SEC13: variants seen among roughly 807,000 people sequenced by gnomAD.
The protein encoded by SEC13 is SEC13 homolog, nuclear pore and COPII component.
Under a neutral mutation model 49.2 loss-of-function variants are expected in SEC13, and 25 were observed. That is an observed-to-expected ratio of 0.51 (90% CI 0.37 to 0.71). The LOEUF (loss-of-function observed/expected upper bound fraction) is 0.71. Among genes scored for constraint, SEC13 ranks in the 30% least tolerant of loss-of-function variants. The pLI is 0.00. For synonymous variants in SEC13, 148 were observed against 163.9 expected, an observed-to-expected ratio of 0.90 and a Z score of 0.74; for missense variants, 383 against 417.6, an observed-to-expected ratio of 0.92 and a Z score of 0.72.
intron 7 of SEC13, 75 bp downstream of exon 7, chr3:10,304,958 C>G (rs1037111053): frequency 6.2e-7 from 1 of 1,606,964 alleles, no homozygotes; most frequent in African/African-American, 1.3e-5. Flanking sequence ...AGAGGACTTT[C>G]TGCTAAGGAG....
intron 5 of SEC13, among the ~76,000 whole-genome samples, chr3:10,307,327 G>C (rs999282763): frequency 2.0e-5 from 3 of 151,660 alleles, no homozygotes; most frequent in Non-Finnish European, 2.9e-5. Flanking sequence ...TCCTGCCTCA[G>C]CCTCCCGTGT....
chr3:10,304,998 T>C (rs1157161181), intron 7 of SEC13, 35 bp downstream of exon 7: 8 of 1,613,512 alleles, frequency 5.0e-6, no homozygotes, highest in Non-Finnish European at 8.5e-7. Context: ...GACTCGAGAC[T>C]AAATGACAAG....
rs1701354885 is a variant in SEC13 at position 10,312,686 on chromosome 3, T to C, written c.209A>G (p.Tyr70Cys). The C allele has an allele frequency of 6.2e-7, 1 of 1,614,054 alleles. No homozygotes were observed. The highest frequency in any genetic ancestry group is 1.7e-5 in the Admixed American group (1 of 60,006). The change falls in exon 4 of 9, where the codon TAC becomes TGC. Residue 70 changes from tyrosine to cysteine, a missense_variant. By Grantham distance (194) the Tyr-to-Cys change is radical. Coordinates refer to ENST00000350697, the MANE Select transcript of SEC13 (RefSeq NM_183352.3). ...VWQVAWAHPM[Y>C]GNILASCSYD... ...GGAGCACGATGCCAGGATGTTGCCGTACATGGGGTGAGCCCAGGCCACTTG... is the reference window on the plus strand; with the variant it reads ...GGAGCACGATGCCAGGATGTTGCCGCACATGGGGTGAGCCCAGGCCACTTG...
intron 5 of SEC13, among the ~76,000 whole-genome samples, chr3:10,307,237 C>G (rs1416595501): frequency 6.7e-6 from 1 of 148,504 alleles, no homozygotes; most frequent in Non-Finnish European, 1.5e-5. Context: ...GAGACAGAGT[C>G]TGGCTCTGTT....
Position 10,301,394 on chromosome 3 carries a change from C to G in SEC13, c.856-20G>C. 3 of 1,614,082 alleles carry G rather than the reference C, an allele frequency of 1.9e-6. No individual in the cohort carries two copies. The highest frequency in any genetic ancestry group is 1.7e-6 in the Non-Finnish European group (2 of 1,180,026). On this transcript the variant is annotated intron_variant, in intron 8 of 8. Transcript: ENST00000350697. Reference sequence around the variant, plus strand: ...GGTCACCTGCGAGTCAGTGCACAAGCAGATTATCACGGGTCTGTGCCCTTC... The same window carrying G: ...GGTCACCTGCGAGTCAGTGCACAAGGAGATTATCACGGGTCTGTGCCCTTC...
At chr3:10,305,279 GTTTGTGGCA>G (rs2125247873) in intron 6 of SEC13, 123 bp from the exon 7 acceptor site, 2 of 1,394,418 alleles carry the variant, frequency 1.4e-6, no homozygotes, top group African/African-American at 1.5e-5. Flanking sequence ...CATTCATGGA[GTTTGTGGCA>G]TTTTATTCCC....
rs1462946285 is a variant in SEC13, at chr3:10,312,041, G to A, written c.374C>T (p.Ser125Leu). ...DYGLILACGS[S>L]DGAISLLTYT... ...AGTCAGCAGGGAGATGGCCCCATCCGAGCTCCCACAGGCCAGGATCAGGCC... is the reference window on the plus strand; with the variant it reads ...AGTCAGCAGGGAGATGGCCCCATCCAAGCTCCCACAGGCCAGGATCAGGCC... The change falls in exon 5 of 9, where the codon TCG becomes TTG. Residue 125 changes from serine to leucine, a missense_variant. Ser to Leu is a moderately radical substitution (Grantham distance 145). Transcript: ENST00000350697. 6 of 1,613,646 alleles carry A rather than the reference G, an allele frequency of 3.7e-6. No individual in the cohort carries two copies. The highest frequency in any genetic ancestry group is 5.1e-6 in the Non-Finnish European group (6 of 1,179,836).
At chr3:10,305,863 A>G (rs1574866996) in intron 5 of SEC13, 171 bp from the exon 6 acceptor site, 2 of 462,378 alleles carry the variant, frequency 4.3e-6, no homozygotes, top group East Asian at 1.5e-4. Context: ...CAAGGATCCC[A>G]ACAGTGTGTG....
Position 10,321,108 on chromosome 3 carries a change from G to C in SEC13, c.-56C>G, listed in dbSNP as rs986487986. On this transcript the variant is annotated 5_prime_UTR_variant, in exon 1 of 9. Coordinates refer to ENST00000350697, the MANE Select transcript of SEC13 (RefSeq NM_183352.3). This position sits in a 1 kb window ranked among gnomAD's most constrained non-coding sequence, Gnocchi z 4.1. ...ACGTGGCAGCTCCCGGCGGCGCCTC[G>C]GAACAGCTCACTTCCGGCGCCGGGC... 33 of 1,611,066 alleles carry C rather than the reference G, an allele frequency of 2.0e-5. No homozygotes were observed. Among genetic ancestry groups the C allele is most frequent in the African/African-American group, 4.0e-5 (3 of 74,546 alleles).
At chr3:10,311,920 C>G (rs752240461) in intron 5 of SEC13, 45 bp downstream of exon 5, 1 of 1,613,946 alleles carries the variant, frequency 6.2e-7, no homozygotes, top group Non-Finnish European at 8.5e-7. Context: ...AGACACGGGG[C>G]AAGGCAGGCG....
chr3:10,310,091 G>C (rs933978375), intron 5 of SEC13, among the ~76,000 whole-genome samples: 2 of 152,116 alleles, frequency 1.3e-5, no homozygotes, highest in Admixed American at 1.3e-4. Context: ...ATTGTGGGCC[G>C]CTTCCACTCA....
At chr3:10,305,312 T>TTA (rs1553636012) in intron 6 of SEC13, 156 bp from the exon 7 acceptor site, 6 of 1,163,752 alleles carry the variant, frequency 5.2e-6, no homozygotes, top group African/African-American at 1.7e-5. Context: ...ACCCCAGCTG[T>TTA]AAAAAAAACC....
Position 10,301,152 on chromosome 3 carries a change from G to GAAAATA in SEC13, c.*103_*108dup. 6.2e-7 allele frequency: 1 copy of GAAAATA among 1,613,972 alleles called. No homozygotes were observed. The highest frequency in any genetic ancestry group is 8.5e-7 in the Non-Finnish European group (1 of 1,179,882). On this transcript the variant is annotated 3_prime_UTR_variant, in exon 9 of 9. Transcript: ENST00000350697. Reference sequence around the variant, plus strand: ...TGGCTGCATCTGTAACTCCTCCTGGGAAAATAATCCTGTTGGAGTTGGGGG... The same window carrying GAAAATA: ...TGGCTGCATCTGTAACTCCTCCTGGGAAAATAAAAATAATCCTGTTGGAGTTGGGGG...
chr3:10,303,173 C>T (rs73125672), intron 8 of SEC13, among the ~76,000 whole-genome samples: 2,703 of 152,266 alleles, frequency 0.018, 75 homozygotes, highest in African/African-American at 0.06. Context: ...AGACATGGAG[C>T]CAAAGTGGCC....
At chr3:10,311,783 C>T (rs1478373039) in intron 5 of SEC13, 182 bp downstream of exon 5, 1 of 1,448,984 alleles carries the variant, frequency 6.9e-7, no homozygotes, top group South Asian at 1.4e-5. Flanking sequence ...CCAAGCCCTG[C>T]CTGGTCTGGC....
intron 5 of SEC13, 48 bp from the exon 6 acceptor site, chr3:10,305,740 C>A (rs367571003): frequency 6.2e-7 from 1 of 1,608,722 alleles, no homozygotes; most frequent in Non-Finnish European, 8.5e-7. Flanking sequence ...GAGAACACTG[C>A]TTCTGCAGAC....
intron 5 of SEC13, among the ~76,000 whole-genome samples, chr3:10,309,363 G>C (rs1296199315): frequency 6.6e-6 from 1 of 152,050 alleles, no homozygotes; most frequent in East Asian, 1.9e-4. Context: ...CCTGGTATTC[G>C]TATGTCTGAC....
chr3:10,317,939 C>G, intron 2 of SEC13, 111 bp downstream of exon 2: 3 of 722,490 alleles, frequency 4.2e-6, no homozygotes, highest in Non-Finnish European at 7.3e-6. Flanking sequence ...CAAAGCCACC[C>G]TGGATCCATG....
At chr3:10,318,142 A>G in intron 1 of SEC13, 48 bp from the exon 2 acceptor site, 1 of 1,287,870 alleles carries the variant, frequency 7.8e-7, no homozygotes, top group Non-Finnish European at 1.1e-6. Context: ...CAGTTAGAAT[A>G]CAACCATCTC....
Sources: allele counts gnomAD v4.1 joint callset (sites outside exome capture counted in the v4.1 genomes callset), GRCh38; gene constraint gnomAD v4.1.1; non-coding constraint Gnocchi (gnomAD v3.1); transcripts MANE v1.5; gene names NCBI Gene and HGNC (gene_info 2026-07-23, HGNC 2026-07-21).